ATP11B: variants seen among roughly 807,000 people sequenced by gnomAD.
ATP11B encodes the protein phospholipid-transporting ATPase IF.
In ATP11B, 81 loss-of-function variants were observed where a neutral mutation model predicts 157.8. The observed-to-expected ratio is 0.51, with a 90% CI of 0.43 to 0.62. ATP11B has a LOEUF of 0.62. Among genes scored for constraint, ATP11B ranks in the 20% least tolerant of loss-of-function variants. The pLI is 0.00. For synonymous variants in ATP11B, 451 were observed against 469.4 expected (o/e 0.96, Z 0.51); for missense variants, 1,165 against 1,402.2 (o/e 0.83, Z 2.70).
intron 2 of ATP11B, 29 bp downstream of exon 2, chr3:182,820,405 C>T (rs1430286431): frequency 1.4e-6 from 2 of 1,428,536 alleles, no homozygotes; most frequent in Non-Finnish European, 2.0e-6. Context: ...ATTGTTAGGC[C>T]AGGTGCAGTG....
intron 12 of ATP11B, among the ~76,000 whole-genome samples, chr3:182,862,539 G>C (rs2108537934): frequency 6.6e-6 from 1 of 152,266 alleles, no homozygotes; most frequent in South Asian, 2.1e-4. Context: ...CAATAAATGA[G>C]GGGCGTTCTG....
In ATP11B at chr3:182,793,631, T is replaced by TGGC. The variant is rs971894062; in HGVS notation, c.-117_-115dup. 3.3e-5 allele frequency: 16 copies of TGGC among 482,790 alleles called. No individual in the cohort carries two copies. The highest frequency in any genetic ancestry group is 2.0e-4 in the African/African-American group (10 of 49,024). 29.9% of individuals were successfully genotyped at this position (482,790 alleles called of 1,614,324 possible). A position where few individuals can be genotyped will look rare whatever the true frequency, so the allele number is the denominator to read the frequency against. On this transcript the variant is annotated 5_prime_UTR_variant, in exon 1 of 30. Coordinates refer to ENST00000323116, the MANE Select transcript of ATP11B (RefSeq NM_014616.3). Reference sequence around the variant, plus strand: ...GGACGCGGCGCGGGGAGTGAGGCAGTGGCGGCGGCGGCGGTAAGCGGAACT... The same window carrying TGGC: ...GGACGCGGCGCGGGGAGTGAGGCAGTGGCGGCGGCGGCGGCGGTAAGCGGAACT...
intron 10 of ATP11B, among the ~76,000 whole-genome samples, chr3:182,851,937 CATCAAAAG>C (rs1416063649): frequency 6.6e-6 from 1 of 152,106 alleles, no homozygotes; most frequent in Non-Finnish European, 1.5e-5. Context: ...AATAGGTTGA[CATCAAAAG>C]ATATACTATG....
chr3:182,879,054 C>G (rs1481365897), intron 19 of ATP11B, among the ~76,000 whole-genome samples: 1 of 152,124 alleles, frequency 6.6e-6, no homozygotes, highest in Admixed American at 6.6e-5. Flanking sequence ...AGGCAGATCG[C>G]TTGAGGTCAG....
At chr3:182,799,518 G>T (rs1467753237) in intron 1 of ATP11B, among the ~76,000 whole-genome samples, 1 of 151,744 alleles carries the variant, frequency 6.6e-6, no homozygotes, top group Non-Finnish European at 1.5e-5. Flanking sequence ...CTCATGATCC[G>T]CCCGCCTCGG....
chr3:182,841,994 A>C (rs1244530026), intron 7 of ATP11B, 81 bp from the exon 8 acceptor site: 1 of 916,674 alleles, frequency 1.1e-6, no homozygotes, highest in Non-Finnish European at 1.7e-6. Flanking sequence ...AAAAAAAAAA[A>C]AAACAAAGGA....
intron 13 of ATP11B, 38 bp downstream of exon 13, chr3:182,865,736 T>A: frequency 1.3e-6 from 2 of 1,534,900 alleles, no homozygotes; most frequent in East Asian, 2.4e-5. Flanking sequence ...GGGTTTCATA[T>A]GAAATAATTC....
At chr3:182,847,265 C>T (rs1180901753) in intron 9 of ATP11B, among the ~76,000 whole-genome samples, 1 of 152,176 alleles carries the variant, frequency 6.6e-6, no homozygotes, top group Non-Finnish European at 1.5e-5. Flanking sequence ...TCTCGAACTC[C>T]TGACCTCAAG....
chr3:182,797,984 A>C (rs1715738573), intron 1 of ATP11B, among the ~76,000 whole-genome samples: 1 of 152,156 alleles, frequency 6.6e-6, no homozygotes, highest in Non-Finnish European at 1.5e-5. Flanking sequence ...GAAAGAAAAA[A>C]AAATTAGCTG....
At chr3:182,892,908 A>G (rs1177477634) in intron 25 of ATP11B, among the ~76,000 whole-genome samples, 1 of 152,224 alleles carries the variant, frequency 6.6e-6, no homozygotes, top group East Asian at 1.9e-4. Context: ...ATGAGTTGCC[A>G]GAGAGCAAAA....
At chr3:182,885,391 A>G (rs1722733123) in intron 22 of ATP11B, among the ~76,000 whole-genome samples, 1 of 152,168 alleles carries the variant, frequency 6.6e-6, no homozygotes, top group Non-Finnish European at 1.5e-5. Context: ...AATACATTTA[A>G]TAACACCAGA....
chr3:182,800,866 C>T (rs890254180), intron 1 of ATP11B, among the ~76,000 whole-genome samples: 1 of 147,302 alleles, frequency 6.8e-6, no homozygotes, highest in Non-Finnish European at 1.5e-5. Context: ...CTGCAACCTC[C>T]GCCCCCCACC....
intron 1 of ATP11B, among the ~76,000 whole-genome samples, chr3:182,805,250 A>G (rs959741286): frequency 7.9e-5 from 12 of 152,308 alleles, no homozygotes; most frequent in South Asian, 4.1e-4. Flanking sequence ...CTAGCAATGT[A>G]TGAGGGTTCC....
intron 20 of ATP11B, among the ~76,000 whole-genome samples, 195 bp from the exon 21 acceptor site, chr3:182,880,684 T>C (rs1722362731): frequency 6.6e-6 from 1 of 152,202 alleles, no homozygotes; most frequent in African/African-American, 2.4e-5. Context: ...TGTTTTATTA[T>C]AACATTTCTG....
chr3:182,882,696 T>C (rs995069768), intron 21 of ATP11B, among the ~76,000 whole-genome samples: 3 of 152,112 alleles, frequency 2.0e-5, no homozygotes, highest in Non-Finnish European at 4.4e-5. Flanking sequence ...TAGTTAATTA[T>C]AGGGAAAAGA....
chr3:182,841,504 A>G (rs1719019029), intron 7 of ATP11B, among the ~76,000 whole-genome samples: 1 of 152,238 alleles, frequency 6.6e-6, no homozygotes, highest in African/African-American at 2.4e-5. Context: ...AAAATCCAAA[A>G]TGATCCAGAT....
At chr3:182,853,827 G>T (rs1438898778) in intron 10 of ATP11B, among the ~76,000 whole-genome samples, 1 of 152,088 alleles carries the variant, frequency 6.6e-6, no homozygotes, top group African/African-American at 2.4e-5. Context: ...TAGCCAAAAT[G>T]CATATTCAGA....
At chr3:182,849,713 G>T (rs1292983682) in intron 10 of ATP11B, among the ~76,000 whole-genome samples, 1 of 152,038 alleles carries the variant, frequency 6.6e-6, no homozygotes, top group African/African-American at 2.4e-5. Flanking sequence ...AGAATGGAGA[G>T]GAAAAAAGAT....
chr3:182,909,844 G>A (rs1468100017), intron 28 of ATP11B, among the ~76,000 whole-genome samples: 1 of 151,508 alleles, frequency 6.6e-6, no homozygotes, highest in Non-Finnish European at 1.5e-5. Flanking sequence ...TGGGCGGATT[G>A]TCTGAGCTCA....
Sources: gnomAD v4.1 joint callset for allele counts (sites outside exome capture counted in the v4.1 genomes callset) on GRCh38, gnomAD v4.1.1 for gene constraint, MANE v1.5 for transcripts, NCBI Gene and HGNC (gene_info 2026-07-23, HGNC 2026-07-21) for gene names.